Variants in EYS observed in about 807,000 individuals in gnomAD.
EYS encodes the protein EGF-like photoreceptor maintenance factor.
A neutral mutation model predicts 282.1 loss-of-function variants in EYS; 250 were observed. That is an observed-to-expected ratio of 0.89 (90% CI 0.80 to 0.98). EYS has a LOEUF of 0.98. Among genes scored for constraint, EYS ranks in the 50% least tolerant of loss-of-function variants. EYS has a pLI of 0.00. For missense variants in EYS, 4,016 were observed against 3,709.0 expected (o/e 1.08, Z -2.15); for synonymous variants, 1,355 against 1,282.9 (o/e 1.06, Z -1.20).
intron 37 of EYS, among the ~76,000 whole-genome samples, chr6:63,792,925 C>G (rs1770553653): frequency 6.6e-6 from 1 of 152,080 alleles, no homozygotes; most frequent in Admixed American, 6.6e-5. Context: ...CAGAGGAGAC[C>G]CATAAATACA....
intron 40 of EYS, among the ~76,000 whole-genome samples, chr6:63,768,930 T>C (rs1769864397): frequency 6.6e-6 from 1 of 152,118 alleles, no homozygotes; most frequent in Admixed American, 6.6e-5. Flanking sequence ...GAAACATGAA[T>C]GCAGCTGGAG....
chr6:65,439,553 G>A (rs1436658604), intron 5 of EYS, among the ~76,000 whole-genome samples: 1 of 152,062 alleles, frequency 6.6e-6, no homozygotes, highest in Non-Finnish European at 1.5e-5. Context: ...TCTCCTTGAA[G>A]AGGTCCTCCA....
chr6:63,955,880 C>G (rs1393804503), intron 35 of EYS, among the ~76,000 whole-genome samples: 1 of 152,072 alleles, frequency 6.6e-6, no homozygotes, highest in East Asian at 1.9e-4. Context: ...TTGTGTCTTC[C>G]ATTTCATTTC....
chr6:64,572,967 A>T (rs1436266890), intron 26 of EYS, among the ~76,000 whole-genome samples: 2 of 152,134 alleles, frequency 1.3e-5, no homozygotes, highest in Non-Finnish European at 2.9e-5. Context: ...TATAGCCAAG[A>T]CAATCCTAAG....
chr6:64,912,923 A>G (rs1305427603), intron 15 of EYS, among the ~76,000 whole-genome samples, 180 bp from the exon 16 acceptor site: 1 of 152,120 alleles, frequency 6.6e-6, no homozygotes, highest in African/African-American at 2.4e-5. Flanking sequence ...TATAATATAT[A>G]TTACCATAAA....
At chr6:65,685,251 G>A (rs929639050) in intron 1 of EYS, among the ~76,000 whole-genome samples, 3 of 152,008 alleles carry the variant, frequency 2.0e-5, no homozygotes, top group African/African-American at 7.2e-5. Flanking sequence ...TGGACACATA[G>A]AGACGTCAAT....
In EYS at chr6:65,344,021, A is replaced by G. The variant is rs1248656551; in HGVS notation, c.1599+17T>C. The stretch of plus-strand genomic sequence containing the variant: ...CTAAAGAGAAAAATGAAAAGCAACT[A>G]CATAAAATTACCTTACCTCTTTTGT... On this transcript the variant is annotated intron_variant, in intron 10 of 42. Coordinates refer to ENST00000503581, the MANE Select transcript of EYS (RefSeq NM_001142800.2). 8 of 1,603,330 alleles carry G rather than the reference A, an allele frequency of 5.0e-6. No homozygotes were observed. Among genetic ancestry groups the G allele is most frequent in the Admixed American group, 1.7e-5 (1 of 59,692 alleles).
intron 5 of EYS, among the ~76,000 whole-genome samples, chr6:65,457,792 T>C (rs1399135052): frequency 6.6e-6 from 1 of 152,128 alleles, no homozygotes; most frequent in Non-Finnish European, 1.5e-5. Flanking sequence ...CTTATATATG[T>C]TCCTAGACCT....
At chr6:65,276,425 G>C (rs76190510) in intron 12 of EYS, among the ~76,000 whole-genome samples, 1 of 151,348 alleles carries the variant, frequency 6.6e-6, no homozygotes, top group Non-Finnish European at 1.5e-5. Context: ...AAAAAAAAAA[G>C]ATTCCTGACA....
chr6:65,073,987 G>T (rs1773974943), intron 12 of EYS, among the ~76,000 whole-genome samples: 1 of 152,012 alleles, frequency 6.6e-6, no homozygotes, highest in African/African-American at 2.4e-5. Context: ...CGTTGCCACT[G>T]GGCACATGGA....
rs369493919 is a variant in EYS, at chr6:64,679,024, ATATGT to A, written c.3444-52784_3444-52780del. ...ACTTTGATTTTTTAAAATGTGTTCA[ATATGT>A]TATACACTTACATAATTTAAAGTTT... On this transcript the variant is annotated intron_variant, in intron 22 of 42. Transcript: ENST00000503581. 2.7e-3 allele frequency among the ~76,000 whole-genome samples: 410 copies of A among 152,248 alleles called. 1 individual carries two copies. Among genetic ancestry groups the A allele is most frequent in the Non-Finnish European group, 4.7e-3 (317 of 68,024 alleles).
At chr6:64,381,000 G>C (rs184077192) in intron 29 of EYS, among the ~76,000 whole-genome samples, 2 of 143,220 alleles carry the variant, frequency 1.4e-5, no homozygotes, top group Admixed American at 1.4e-4. Context: ...CTGGGTGACA[G>C]AGCAAGACTC....
chr6:64,152,797 T>A (rs1272253198), intron 31 of EYS, among the ~76,000 whole-genome samples: 1 of 152,196 alleles, frequency 6.6e-6, no homozygotes, highest in Non-Finnish European at 1.5e-5. Flanking sequence ...AAATCATTTT[T>A]ACAGCATTCA....
At chr6:64,815,465 T>C (rs1196192633) in intron 21 of EYS, among the ~76,000 whole-genome samples, 1 of 152,068 alleles carries the variant, frequency 6.6e-6, no homozygotes, top group African/African-American at 2.4e-5. Flanking sequence ...AAGTTCTGTC[T>C]CCAGGGTTTC....
intron 2 of EYS, among the ~76,000 whole-genome samples, chr6:65,536,289 A>G (rs1443030166): frequency 6.6e-6 from 1 of 151,754 alleles, no homozygotes; most frequent in African/African-American, 2.4e-5. Flanking sequence ...ATAGGAAGAT[A>G]ATATAGGGCA....
At chr6:65,392,936 T>G (rs1433034376) in intron 7 of EYS, among the ~76,000 whole-genome samples, 1 of 152,102 alleles carries the variant, frequency 6.6e-6, no homozygotes, top group African/African-American at 2.4e-5. Flanking sequence ...TGTCCAACAA[T>G]GATAGACTGG....
intron 31 of EYS, among the ~76,000 whole-genome samples, chr6:64,227,953 C>A (rs186923153): frequency 1.2e-3 from 188 of 152,084 alleles, no homozygotes; most frequent in Admixed American, 3.9e-3. Context: ...GCAATTGAAA[C>A]AATTTGAAAA....
At chr6:65,135,489 A>G (rs1283845391) in intron 12 of EYS, among the ~76,000 whole-genome samples, 1 of 151,996 alleles carries the variant, frequency 6.6e-6, no homozygotes, top group Non-Finnish European at 1.5e-5. Context: ...ATAGGACTTG[A>G]CTATATTTCA....
chr6:64,995,852 G>T (rs1771242283), intron 14 of EYS, among the ~76,000 whole-genome samples: 1 of 152,022 alleles, frequency 6.6e-6, no homozygotes, highest in Admixed American at 6.6e-5. Flanking sequence ...ATCCTTGGAA[G>T]TTCTGTTATT....
Sources: allele counts gnomAD v4.1 joint callset (sites outside exome capture counted in the v4.1 genomes callset), GRCh38; gene constraint gnomAD v4.1.1; transcripts MANE v1.5; gene names NCBI Gene and HGNC (gene_info 2026-07-23, HGNC 2026-07-21).